The following KLF8 variants were observed in gnomAD, a reference collection of about 807,000 sequenced individuals.
KLF8 encodes Krueppel-like factor 8.
A neutral mutation model predicts 18.2 loss-of-function variants in KLF8; 10 were observed. That is an observed-to-expected ratio of 0.55 (90% CI 0.34 to 0.93). The LOEUF (loss-of-function observed/expected upper bound fraction) is 0.93, where lower values mean the gene tolerates loss of function less well. KLF8 is among the 40% of genes least tolerant of loss of function. The pLI is 0.02. For synonymous variants in KLF8, 109 were observed against 97.3 expected (o/e 1.12, Z -0.71); for missense variants, 264 against 277.9 (o/e 0.95, Z 0.36).
At chrX:55,985,777 T>C in the KLF8 span, among the ~76,000 whole-genome samples, 1 of 111,244 alleles carries the variant, frequency 9.0e-6, no homozygotes, top group Non-Finnish European at 1.9e-5. Flanking sequence ...GAATGTTTTT[T>C]TCATTTGTTT....
chrX:56,049,861 C>A, the KLF8 span, among the ~76,000 whole-genome samples: 1 of 107,794 alleles, frequency 9.3e-6, no homozygotes, highest in Non-Finnish European at 1.9e-5. Flanking sequence ...CCTCCTTGTA[C>A]CTCTGGTAGA....
chrX:55,925,541 G>A, the KLF8 span, among the ~76,000 whole-genome samples: 3 of 111,570 alleles, frequency 2.7e-5, no homozygotes, highest in African/African-American at 9.8e-5. Context: ...GGCTTGATCT[G>A]TGCTGTAAAC....
the KLF8 span, among the ~76,000 whole-genome samples, chrX:56,127,867 A>G: frequency 8.9e-6 from 1 of 111,791 alleles, no homozygotes; most frequent in Non-Finnish European, 1.9e-5. Flanking sequence ...CCCTCCAGAA[A>G]GAAAAAAAAC....
the KLF8 span, among the ~76,000 whole-genome samples, chrX:56,152,787 G>A: frequency 5.6e-4 from 63 of 111,979 alleles, no homozygotes; most frequent in Non-Finnish European, 1.0e-3. Flanking sequence ...AAAAGATACT[G>A]TTTACTATGT....
chrX:55,918,725 T>G, the KLF8 span, among the ~76,000 whole-genome samples: 1 of 111,803 alleles, frequency 8.9e-6, no homozygotes, highest in Non-Finnish European at 1.9e-5. Context: ...TATGTCTGTG[T>G]GTATATGAGC....
chrX:56,059,846 G>T, the KLF8 span, among the ~76,000 whole-genome samples: 2 of 111,216 alleles, frequency 1.8e-5, no homozygotes, highest in African/African-American at 3.3e-5. Flanking sequence ...GCTCTTTTTC[G>T]CTTCCATATG....
chrX:56,146,723 AAAG>A, the KLF8 span, among the ~76,000 whole-genome samples: 7 of 107,577 alleles, frequency 6.5e-5, no homozygotes, highest in Admixed American at 4.9e-4. Flanking sequence ...AAAAAAAAAA[AAAG>A]AAGAAGAAGA....
the KLF8 span, among the ~76,000 whole-genome samples, chrX:56,174,359 G>T: frequency 9.0e-6 from 1 of 111,713 alleles, no homozygotes; most frequent in Admixed American, 9.6e-5. Flanking sequence ...ATAATCAGGT[G>T]GTTTTTGTCT....
the KLF8 span, among the ~76,000 whole-genome samples, chrX:56,126,455 C>T: frequency 8.9e-6 from 1 of 111,958 alleles, no homozygotes; most frequent in East Asian, 2.8e-4. Context: ...AACACATCAG[C>T]TAGAGTGATT....
At chrX:56,096,430 T>G in the KLF8 span, among the ~76,000 whole-genome samples, 1 of 111,445 alleles carries the variant, frequency 9.0e-6, no homozygotes, top group South Asian at 3.8e-4. Context: ...TTTGTACCCC[T>G]TAAATCCATG....
the KLF8 span, among the ~76,000 whole-genome samples, chrX:56,133,717 A>T: frequency 4.5e-5 from 5 of 111,699 alleles, no homozygotes; most frequent in African/African-American, 1.6e-4. Context: ...TAAAGAGGAA[A>T]TCAAACTATA....
the KLF8 span, among the ~76,000 whole-genome samples, chrX:56,213,380 G>C: frequency 1.3e-5 from 1 of 76,224 alleles, no homozygotes; most frequent in Non-Finnish European, 2.3e-5. Context: ...GGAGTGCAAT[G>C]GTGTCATCTC....
At chrX:56,171,553 T>C in the KLF8 span, among the ~76,000 whole-genome samples, 1 of 110,481 alleles carries the variant, frequency 9.1e-6, no homozygotes, top group African/African-American at 3.3e-5. Flanking sequence ...CCCCGGTGTG[T>C]GATGTTCCCC....
chrX:56,143,893 C>T, the KLF8 span, among the ~76,000 whole-genome samples: 82 of 112,109 alleles, frequency 7.3e-4, no homozygotes, highest in African/African-American at 2.6e-3. Flanking sequence ...TAAAAATCCA[C>T]GGGGTGAAAT....
the KLF8 span, among the ~76,000 whole-genome samples, chrX:56,021,943 T>A: frequency 9.5e-6 from 1 of 105,160 alleles, no homozygotes; most frequent in African/African-American, 3.6e-5. Context: ...GTCCCAGAAA[T>A]GTGTGCAGAG....
the KLF8 span, among the ~76,000 whole-genome samples, chrX:56,226,707 C>T: frequency 8.9e-6 from 1 of 112,125 alleles, no homozygotes; most frequent in Non-Finnish European, 1.9e-5. Flanking sequence ...AAACAGGTAT[C>T]GTTGCTTATA....
the KLF8 span, among the ~76,000 whole-genome samples, chrX:55,987,928 G>C: frequency 1.8e-5 from 2 of 112,207 alleles, no homozygotes; most frequent in Non-Finnish European, 3.8e-5. Flanking sequence ...TTGTGGTTTT[G>C]ATTTGCATTT....
chrX:56,000,543 G>T, the KLF8 span, among the ~76,000 whole-genome samples: 1,218 of 106,697 alleles, frequency 0.011, 9 homozygotes, highest in Non-Finnish European at 0.015. Context: ...GTCTATGCAA[G>T]ATTTCTATGT....
the KLF8 span, among the ~76,000 whole-genome samples, chrX:56,038,216 T>C: frequency 8.9e-6 from 1 of 112,141 alleles, no homozygotes; most frequent in Admixed American, 9.4e-5. Context: ...TTTTCTTTTT[T>C]TATCATTTTA....
Sources: gnomAD v4.1 joint callset for allele counts (sites outside exome capture counted in the v4.1 genomes callset) on GRCh38, gnomAD v4.1.1 for gene constraint, MANE v1.5 for transcripts, NCBI Gene and HGNC (gene_info 2026-07-23, HGNC 2026-07-21) for gene names.